Variants in CEP170 observed in about 807,000 individuals in gnomAD.
CEP170 encodes centrosomal protein 170, also known as centrosomal protein of 170 kDa.
A neutral mutation model predicts 151.9 loss-of-function variants in CEP170; 21 were observed. That is an observed-to-expected ratio of 0.14 (90% CI 0.10 to 0.20). The LOEUF is 0.20. Among genes scored for constraint, CEP170 ranks in the 10% least tolerant of loss-of-function variants. CEP170 has a pLI of 1.00. For missense variants in CEP170, 964 were observed against 1,892.9 expected (o/e 0.51, Z 9.11); for synonymous variants, 356 against 648.8 (o/e 0.55, Z 6.86).
At chr1:243,155,626 A>G (rs922068616) in intron 14 of CEP170, among the ~76,000 whole-genome samples, 4 of 152,092 alleles carry the variant, frequency 2.6e-5, no homozygotes, top group African/African-American at 4.8e-5. Context: ...ATTAATTTCC[A>G]TAAGTTATTA....
At position 243,225,326 on chromosome 1, in the gene CEP170, A is replaced by T; in HGVS notation, c.-41-5T>A. On this transcript the variant is annotated splice_region_variant and splice_polypyrimidine_tract_variant and intron_variant, in intron 1 of 19. Transcript: ENST00000366542. The stretch of plus-strand genomic sequence containing the variant: ...CTTTGGCAAAGCTACGTCATCCTGA[A>T]GAGAAACATGAAGAAAAATATACGT... 1 of 1,211,632 alleles carries T rather than the reference A, an allele frequency of 8.3e-7. No individual in the cohort carries two copies. Among genetic ancestry groups the T allele is most frequent in the African/African-American group, 1.6e-5 (1 of 64,336 alleles). 75.1% of individuals were successfully genotyped at this position (1,211,632 alleles called of 1,614,324 possible). A position where few individuals can be genotyped will look rare whatever the true frequency, so the allele number is the denominator to read the frequency against.
chr1:243,194,608 G>C, intron 7 of CEP170, among the ~76,000 whole-genome samples: 1 of 151,916 alleles, frequency 6.6e-6, no homozygotes, highest in Non-Finnish European at 1.5e-5. Context: ...AAAAACAGAT[G>C]AAGTGTGGTC....
rs144901549 is a variant in CEP170, at chr1:243,195,436, T to C, written c.631+3624A>G. ...TCTGGAGAACGAAATTGCTCTAAAG[T>C]AAGTATTTGCTTAAACCAGGGCTTT... On this transcript the variant is annotated intron_variant, in intron 7 of 19. Transcript: ENST00000366542. Among the ~76,000 whole-genome samples, 565 of 152,094 alleles carry C rather than the reference T, an allele frequency of 3.7e-3. 4 individuals are homozygous for C. Among genetic ancestry groups the C allele is most frequent in the African/African-American group, 0.012 (502 of 41,526 alleles).
At chr1:243,147,182 T>C (rs1289308498) in intron 14 of CEP170, among the ~76,000 whole-genome samples, 4 of 152,270 alleles carry the variant, frequency 2.6e-5, no homozygotes, top group African/African-American at 9.6e-5. Flanking sequence ...TTTAATGTGA[T>C]AAGGCTATAA....
chr1:243,164,962 C>T lies in CEP170; in HGVS notation c.2998G>A (p.Gly1000Ser), dbSNP rs751709475. 3.1e-6 allele frequency: 5 copies of T among 1,613,848 alleles called. No individual in the cohort carries two copies. In the South Asian group the frequency reaches 3.3e-5, roughly 11 times the overall value. The change falls in exon 13 of 20, where the codon GGT becomes AGT. Residue 1000 changes from glycine to serine, a missense_variant. Coordinates refer to ENST00000366542, the MANE Select transcript of CEP170 (RefSeq NM_014812.3). ...AATTTACGACCATCTGCTCTTGAAC[C>T]CACATCTGTGGAACGACTTTTTGTT... ...KKTKSRSTDVGSRADGRKFVQ... is the reference protein window; with the variant it reads ...KKTKSRSTDVSSRADGRKFVQ...
chr1:243,237,225 T>C (rs1286540557), intron 1 of CEP170, among the ~76,000 whole-genome samples: 1 of 152,220 alleles, frequency 6.6e-6, no homozygotes, highest in Non-Finnish European at 1.5e-5. Context: ...TTATAATTTT[T>C]ATAAATATCT....
At chr1:243,238,103 A>G (rs2064423055) in intron 1 of CEP170, among the ~76,000 whole-genome samples, 2 of 152,124 alleles carry the variant, frequency 1.3e-5, no homozygotes, top group South Asian at 4.1e-4. Flanking sequence ...TAACAGTTCA[A>G]TGGAATTGTT....
intron 13 of CEP170, among the ~76,000 whole-genome samples, chr1:243,161,109 C>G (rs1202525530): frequency 6.7e-6 from 1 of 149,388 alleles, no homozygotes; most frequent in East Asian, 2.0e-4. Context: ...GACCGACCAG[C>G]CTGCCCAATA....
At chr1:243,255,619 T>G (rs966131696), upstream of CEP170, among the ~76,000 whole-genome samples, 36 of 152,340 alleles carry the variant, frequency 2.4e-4, no homozygotes, top group African/African-American at 7.7e-4. Flanking sequence ...TCTTGAAGAT[T>G]TATTCGACCG....
At chr1:243,204,223 A>C (rs2061259221) in intron 4 of CEP170, among the ~76,000 whole-genome samples, 1 of 152,158 alleles carries the variant, frequency 6.6e-6, no homozygotes, top group South Asian at 2.1e-4. Context: ...CTCTGAATGA[A>C]AGTTCTTAAT....
At chr1:243,139,761 C>T (rs3015138) in intron 16 of CEP170, among the ~76,000 whole-genome samples, 176 bp downstream of exon 16, 5,843 of 152,094 alleles carry the variant, frequency 0.038, 375 homozygotes, top group African/African-American at 0.13. Flanking sequence ...GTATTATTTT[C>T]GCTAACCTCT....
intron 15 of CEP170, among the ~76,000 whole-genome samples, chr1:243,141,185 C>G (rs1379240134): frequency 6.6e-6 from 1 of 151,978 alleles, no homozygotes; most frequent in East Asian, 1.9e-4. Context: ...CCATTTTTGC[C>G]TACTATTTAG....
chr1:243,226,402 C>T (rs577206404), intron 1 of CEP170, among the ~76,000 whole-genome samples: 2 of 151,730 alleles, frequency 1.3e-5, no homozygotes, highest in East Asian at 1.9e-4. Context: ...CACTATTTTA[C>T]ATTTTGCAAA....
intron 10 of CEP170, 98 bp from the exon 11 acceptor site, chr1:243,172,944 T>C (rs1237744545): frequency 8.0e-7 from 1 of 1,257,240 alleles, no homozygotes; most frequent in African/African-American, 1.5e-5. Context: ...ATAAAAATAT[T>C]CCAAATTAAT....
chr1:243,156,107 G>A (rs902418545), intron 14 of CEP170, 114 bp downstream of exon 14: 1 of 1,294,204 alleles, frequency 7.7e-7, no homozygotes, highest in African/African-American at 1.5e-5. Context: ...ACAGTTATCT[G>A]TGGATTTCAG....
At chr1:243,175,862 T>C (rs932404023) in intron 10 of CEP170, among the ~76,000 whole-genome samples, 1 of 152,202 alleles carries the variant, frequency 6.6e-6, no homozygotes, top group African/African-American at 2.4e-5. Flanking sequence ...AGTGGCGCGA[T>C]CTCGGCTCAC....
rs758705263 is a variant in CEP170 at position 243,186,086 on chromosome 1, G to C, written c.1273-14C>G. ...CGCAGAGCTAGTCTGTAAAGACAAA[G>C]AAACCACTTTGGCATCTGCTGTTGG... On this transcript the variant is annotated splice_polypyrimidine_tract_variant and intron_variant, in intron 9 of 19. Coordinates refer to ENST00000366542, the MANE Select transcript of CEP170 (RefSeq NM_014812.3). 1 of 1,613,590 alleles carries C rather than the reference G, an allele frequency of 6.2e-7. No individual in the cohort carries two copies. Among genetic ancestry groups the C allele is most frequent in the Non-Finnish European group, 8.5e-7 (1 of 1,179,596 alleles).
rs1025524546 is a variant in CEP170 at position 243,218,906 on chromosome 1, G to T, written c.195+2818C>A. ...TTGTCCAAGGTGACATCAAAGCTGG[G>T]TTCATAACCACTACACTGTGTCCTC... On this transcript the variant is annotated intron_variant, in intron 3 of 19. Coordinates refer to ENST00000366542, the MANE Select transcript of CEP170 (RefSeq NM_014812.3). 2.0e-5 allele frequency among the ~76,000 whole-genome samples: 3 copies of T among 152,230 alleles called. No homozygotes were observed. The East Asian group carries it at 5.8e-4, about 29-fold the overall frequency.
intron 16 of CEP170, chr1:243,136,434 TTAAA>T: frequency 1.7e-6 from 1 of 586,498 alleles, no homozygotes; most frequent in Non-Finnish European, 2.9e-6. Flanking sequence ...GTTCTTATTA[TTAAA>T]TAACTTGTCA....
Sources: allele counts gnomAD v4.1 joint callset (sites outside exome capture counted in the v4.1 genomes callset), GRCh38; gene constraint gnomAD v4.1.1; transcripts MANE v1.5; gene names NCBI Gene and HGNC (gene_info 2026-07-23, HGNC 2026-07-21).